The following ZNF564 variants were observed in gnomAD, a reference collection of about 807,000 sequenced individuals.
ZNF564 encodes zinc finger protein 564.
In ZNF564, 5 loss-of-function variants were observed where a neutral mutation model predicts 10.5. The ratio of observed to expected loss-of-function variants is 0.48; its 90% CI spans 0.25 to 1.00. The LOEUF is 1.00. Ranked by LOEUF, ZNF564 falls within the 50% of genes least tolerant of loss-of-function variation. ZNF564 has a pLI of 0.16. For missense variants in ZNF564, 603 were observed against 669.7 expected, an observed-to-expected ratio of 0.90 and a Z score of 1.10; for synonymous variants, 242 against 218.1, an observed-to-expected ratio of 1.11 and a Z score of -0.97.
In ZNF564 at chr19:12,525,931, T is replaced by A. The variant is rs2021671470; in HGVS notation, c.*515A>T. On this transcript the variant is annotated 3_prime_UTR_variant, in exon 4 of 4. Coordinates refer to ENST00000339282, the MANE Select transcript of ZNF564 (RefSeq NM_144976.4). ...CCCAATTACAAGGCCTCCATCTTCA[T>A]GATGTCCTCCAATCCTAAAAACCAC... The A allele has an allele frequency of 6.5e-6, 1 of 153,442 alleles. No individual in the cohort carries two copies. Among genetic ancestry groups the A allele is most frequent in the African/African-American group, 2.4e-5 (1 of 41,394 alleles). 9.5% of individuals were successfully genotyped at this position (153,442 alleles called of 1,614,324 possible).
intron 1 of ZNF564, among the ~76,000 whole-genome samples, chr19:12,536,105 G>A (rs1464060338): frequency 1.3e-5 from 2 of 151,520 alleles, no homozygotes; most frequent in Non-Finnish European, 2.9e-5. Flanking sequence ...ACTTAAAACT[G>A]TTCTGAAAAA....
Position 12,534,273 on chromosome 19 carries a change from A to C in ZNF564, c.4-5577T>G, listed in dbSNP as rs1031729892. ...GAAGAAATAAAATTGTCTTTGCTGC[A>C]TAAGACATGATTATATAAAATATAT... On this transcript the variant is annotated intron_variant, in intron 1 of 3. Transcript: ENST00000339282. Among the ~76,000 whole-genome samples the C allele has an allele frequency of 6.6e-5, 10 of 152,248 alleles. No individual in the cohort carries two copies. The East Asian group carries it at 1.9e-3, about 29-fold the overall frequency.
chr19:12,532,943 A>T (rs903389269), intron 1 of ZNF564: 6 of 152,188 alleles, frequency 3.9e-5, no homozygotes, highest in African/African-American at 1.4e-4. Context: ...CCCCTCCAGC[A>T]GTAATTAAGA....
chr19:12,536,701 A>G (rs1002194702), intron 1 of ZNF564, among the ~76,000 whole-genome samples: 1 of 152,156 alleles, frequency 6.6e-6, no homozygotes, highest in Non-Finnish European at 1.5e-5. Flanking sequence ...TGGACTTCGT[A>G]TAAGATATGT....
chr19:12,551,431 C>A lies in ZNF564; in HGVS notation c.-99G>T. The A allele has an allele frequency of 6.9e-6, 10 of 1,455,032 alleles. No homozygotes were observed. The highest frequency in any genetic ancestry group is 8.2e-6 in the Non-Finnish European group (9 of 1,100,390). The allele number at this position is 1,455,032 out of a possible 1,614,324, so 90.1% of individuals were successfully genotyped here. A position where few individuals can be genotyped will look rare whatever the true frequency, so the allele number is the denominator to read the frequency against. On this transcript the variant is annotated 5_prime_UTR_variant, in exon 1 of 4. Coordinates refer to ENST00000339282, the MANE Select transcript of ZNF564 (RefSeq NM_144976.4). ...CGCTGCGGTGGAGCCACCGGGGCCACTGGAGAAGCGGAGACCGGAACCCAA... is the reference window on the plus strand; with the variant it reads ...CGCTGCGGTGGAGCCACCGGGGCCAATGGAGAAGCGGAGACCGGAACCCAA...
At position 12,528,712 on chromosome 19, in the gene ZNF564, T is replaced by C. The variant is rs1399082569; in HGVS notation, c.4-16A>G. ...CCACTGAGTCCTAAAACATCCCAAA[T>C]ATGCAATGCAGGAGGAAGAATGAGA... is the stretch of plus-strand genomic sequence containing the variant. On this transcript the variant is annotated splice_polypyrimidine_tract_variant and intron_variant, in intron 1 of 3. Transcript: ENST00000339282. The C allele has an allele frequency of 6.2e-7, 1 of 1,601,216 alleles. No individual in the cohort carries two copies.
At chr19:12,536,994 C>T (rs1187743828) in intron 1 of ZNF564, among the ~76,000 whole-genome samples, 1 of 152,082 alleles carries the variant, frequency 6.6e-6, no homozygotes, top group Non-Finnish European at 1.5e-5. Flanking sequence ...TCTGCCAGTC[C>T]CCAGCCCTTG....
intron 1 of ZNF564, chr19:12,548,973 G>C (rs1212566242): frequency 8.9e-6 from 6 of 676,928 alleles, no homozygotes; most frequent in African/African-American, 1.8e-5. Flanking sequence ...ACTTATCTGA[G>C]ATTCTTATCC....
intron 1 of ZNF564, among the ~76,000 whole-genome samples, chr19:12,538,996 G>A (rs935776850): frequency 1.3e-5 from 2 of 151,202 alleles, no homozygotes; most frequent in Non-Finnish European, 2.9e-5. Context: ...GGGAGGTCGA[G>A]GCAGGTGGAT....
At chr19:12,536,039 C>T (rs573045014) in intron 1 of ZNF564, among the ~76,000 whole-genome samples, 8 of 150,958 alleles carry the variant, frequency 5.3e-5, no homozygotes, top group African/African-American at 1.2e-4. Context: ...TAGGGCAAAC[C>T]GTAAAGAAGA....
In ZNF564 at chr19:12,536,496, C is replaced by T. The variant is rs943687384; in HGVS notation, c.4-7800G>A. Among the ~76,000 whole-genome samples the T allele has an allele frequency of 3.9e-5, 6 of 152,254 alleles. No individual in the cohort carries two copies. In the South Asian group the frequency reaches 1.2e-3, roughly 32 times the overall value. Reference sequence around the variant, plus strand: ...CTGGCCCATATCATATTTCATGCAACTGATTTGAACTTATTTTAGTAAGCC... The same window carrying T: ...CTGGCCCATATCATATTTCATGCAATTGATTTGAACTTATTTTAGTAAGCC... On this transcript the variant is annotated intron_variant, in intron 1 of 3. Transcript: ENST00000339282.
intron 2 of ZNF564, 78 bp from the exon 3 acceptor site, chr19:12,528,442 G>C (rs2021736046): frequency 3.2e-6 from 5 of 1,571,202 alleles, no homozygotes; most frequent in Non-Finnish European, 4.3e-6. Context: ...TTCATGATAA[G>C]GTGCAAACAA....
chr19:12,551,433 G>A lies in ZNF564; in HGVS notation c.-101C>T. 1 of 1,448,066 alleles carries A rather than the reference G, an allele frequency of 6.9e-7. No homozygotes were observed. Among genetic ancestry groups the A allele is most frequent in the Non-Finnish European group, 9.1e-7 (1 of 1,097,790 alleles). 89.7% of individuals were successfully genotyped at this position (1,448,066 alleles called of 1,614,324 possible). ...CTGCGGTGGAGCCACCGGGGCCACT[G>A]GAGAAGCGGAGACCGGAACCCAAAC... On this transcript the variant is annotated 5_prime_UTR_variant, in exon 1 of 4. Coordinates refer to ENST00000339282, the MANE Select transcript of ZNF564 (RefSeq NM_144976.4).
chr19:12,548,087 C>T, intron 1 of ZNF564: 1 of 885,364 alleles, frequency 1.1e-6, no homozygotes, highest in Non-Finnish European at 1.4e-6. Flanking sequence ...GGATTACAGG[C>T]ATGAGCCACC....
rs755393171 is a variant in ZNF564, at chr19:12,546,386, G to GA, written c.3+4943dup. The stretch of plus-strand genomic sequence containing the variant: ...TCCAGAGAAGCAGCATACTGCGGGG[G>GA]AAAAAACCCTATTACTAATTTAGAC... On this transcript the variant is annotated intron_variant, in intron 1 of 3. Coordinates refer to ENST00000339282, the MANE Select transcript of ZNF564 (RefSeq NM_144976.4). Among the ~76,000 whole-genome samples the GA allele has an allele frequency of 5.3e-5, 8 of 152,214 alleles. No homozygotes were observed. The East Asian group carries it at 9.6e-4, about 18-fold the overall frequency.
At chr19:12,543,407 T>C (rs2022095966) in intron 1 of ZNF564, among the ~76,000 whole-genome samples, 1 of 151,060 alleles carries the variant, frequency 6.6e-6, no homozygotes, top group Non-Finnish European at 1.5e-5. Context: ...CCGGGTGCAG[T>C]GGCTCATGCC....
chr19:12,531,384 C>T (rs539245848), intron 1 of ZNF564, among the ~76,000 whole-genome samples: 15 of 151,778 alleles, frequency 9.9e-5, no homozygotes, highest in East Asian at 1.9e-4. Flanking sequence ...CTGGGAAACA[C>T]GGCGAAACCT....
intron 1 of ZNF564, among the ~76,000 whole-genome samples, chr19:12,550,834 T>A (rs958422710): frequency 3.3e-5 from 5 of 152,078 alleles, no homozygotes; most frequent in Non-Finnish European, 7.4e-5. Flanking sequence ...ATTTAGGCAT[T>A]TATTTCCAGC....
At chr19:12,547,291 G>A (rs1300269291) in intron 1 of ZNF564, among the ~76,000 whole-genome samples, 1 of 152,110 alleles carries the variant, frequency 6.6e-6, no homozygotes, top group Non-Finnish European at 1.5e-5. Flanking sequence ...CTGACCTCAA[G>A]CAATCCTCCT....
Sources: allele counts gnomAD v4.1 joint callset (sites outside exome capture counted in the v4.1 genomes callset), GRCh38; gene constraint gnomAD v4.1.1; transcripts MANE v1.5; gene names NCBI Gene and HGNC (gene_info 2026-07-23, HGNC 2026-07-21).